Variants in ENAM observed in about 807,000 individuals in gnomAD.
The protein encoded by ENAM is enamelin.
Under a neutral mutation model 33.6 loss-of-function variants are expected in ENAM, and 21 were observed. That is an observed-to-expected ratio of 0.63 (90% CI 0.44 to 0.90). The LOEUF (loss-of-function observed/expected upper bound fraction) is 0.90. ENAM is among the 40% of genes least tolerant of loss of function. ENAM has a pLI of 0.00. For missense variants in ENAM, 1,388 were observed against 1,366.9 expected (o/e 1.02, Z -0.24); for synonymous variants, 473 against 468.4 (o/e 1.01, Z -0.13).
rs902756207 is a variant in ENAM, at chr4:70,644,959, C to T, written c.*104C>T. Reference sequence around the variant, plus strand: ...AAGACTTAATTAAGTGTCTGACTGTCTTGGTGATCCTTAAGTTTTCTCCCC... The same window carrying T: ...AAGACTTAATTAAGTGTCTGACTGTTTTGGTGATCCTTAAGTTTTCTCCCC... On this transcript the variant is annotated 3_prime_UTR_variant, in exon 9 of 9. Transcript: ENST00000396073. The T allele has an allele frequency of 1.1e-6, 1 of 935,882 alleles. No individual in the cohort carries two copies. Among genetic ancestry groups the T allele is most frequent in the African/African-American group, 1.6e-5 (1 of 61,644 alleles). The allele number at this position is 935,882 out of a possible 1,614,324, so 58.0% of individuals were successfully genotyped here.
At position 70,635,864 on chromosome 4, in the gene ENAM, C is replaced by T. The variant is rs1459527928; in HGVS notation, c.504C>T (p.Pro168=). 1.2e-6 allele frequency: 2 copies of T among 1,608,704 alleles called. No individual in the cohort carries two copies. Among genetic ancestry groups the T allele is most frequent in the South Asian group, 1.1e-5 (1 of 90,524 alleles). Residue 168 remains proline, a synonymous_variant, in exon 7 of 9, where the codon CCC becomes CCT. Transcript: ENST00000396073. The stretch of plus-strand genomic sequence containing the variant: ...CACCATTTGGAAATGGGCTATTCCC[C>T]TATCAACAACCACCATGGCAAATTC... ...AFPPFGNGLF[P]YQQPPWQIPQ...
chr4:70,638,818 A>G (rs1357723919), intron 8 of ENAM, among the ~76,000 whole-genome samples: 5 of 144,376 alleles, frequency 3.5e-5, no homozygotes, highest in African/African-American at 5.1e-5. Flanking sequence ...TGTAAGACAG[A>G]GTCTCGCTCT....
Position 70,645,239 on chromosome 4 carries a change from G to C in ENAM, c.*384G>C. 4.9e-5 allele frequency: 14 copies of C among 282,946 alleles called. No individual in the cohort carries two copies. Among genetic ancestry groups the C allele is most frequent in the South Asian group, 1.6e-4 (2 of 12,476 alleles). The allele number at this position is 282,946 out of a possible 1,614,324, so 17.5% of individuals were successfully genotyped here. On this transcript the variant is annotated 3_prime_UTR_variant, in exon 9 of 9. Coordinates refer to ENST00000396073, the MANE Select transcript of ENAM (RefSeq NM_031889.3). Reference sequence around the variant, plus strand: ...CAGATTAACTTTCCATTCTACTTATGGAGATCCACACATCAGTATAGTCCT... The same window carrying C: ...CAGATTAACTTTCCATTCTACTTATCGAGATCCACACATCAGTATAGTCCT...
At position 70,642,373 on chromosome 4, in the gene ENAM, T is replaced by C. The variant is rs763410475; in HGVS notation, c.947T>C (p.Ile316Thr). 8.1e-6 allele frequency: 13 copies of C among 1,614,168 alleles called. 1 individual carries two copies. In the South Asian group the frequency reaches 1.3e-4, roughly 16 times the overall value. Residue 316 changes from isoleucine (I) to threonine (T), a missense_variant, in exon 9 of 9, where the codon ATT becomes ACT. Coordinates refer to ENST00000396073, the MANE Select transcript of ENAM (RefSeq NM_031889.3). Reference sequence around the variant, plus strand: ...CCATGGAGACCAAGTCAGCCAAATATTCGTGAAAATCATCCATATCCTAAT... The same window carrying C: ...CCATGGAGACCAAGTCAGCCAAATACTCGTGAAAATCATCCATATCCTAAT... ...QIPWRPSQPN[I>T]RENHPYPNIR... is the part of the protein sequence containing the mutation.
chr4:70,630,926 G>C (rs1001858902), intron 2 of ENAM, among the ~76,000 whole-genome samples: 1 of 151,996 alleles, frequency 6.6e-6, no homozygotes, highest in African/African-American at 2.4e-5. Flanking sequence ...ATTTTTAGTA[G>C]AGACAAGGTT....
intron 6 of ENAM, among the ~76,000 whole-genome samples, 177 bp from the exon 7 acceptor site, chr4:70,635,655 T>C (rs1337528502): frequency 6.6e-6 from 1 of 152,250 alleles, no homozygotes; most frequent in Non-Finnish European, 1.5e-5. Context: ...GCCTGGAATG[T>C]GTGTCCAATG....
In ENAM at chr4:70,645,220, A is replaced by G. The variant is rs1456640905; in HGVS notation, c.*365A>G. ...GTTTTTCAAGACTGAAAGGCAGATT[A>G]ACTTTCCATTCTACTTATGGAGATC... is the stretch of plus-strand genomic sequence containing the variant. On this transcript the variant is annotated 3_prime_UTR_variant, in exon 9 of 9. Transcript: ENST00000396073. The G allele has an allele frequency of 3.2e-6, 1 of 312,586 alleles. No individual in the cohort carries two copies. Among genetic ancestry groups the G allele is most frequent in the Non-Finnish European group, 5.8e-6 (1 of 172,018 alleles). 19.4% of individuals were successfully genotyped at this position (312,586 alleles called of 1,614,324 possible).
intron 8 of ENAM, among the ~76,000 whole-genome samples, chr4:70,638,778 T>TTTAC (rs1738525826): frequency 6.6e-6 from 1 of 151,372 alleles, no homozygotes; most frequent in African/African-American, 2.4e-5. Context: ...CTTATCTTTC[T>TTTAC]TTTCTTTCTT....
At chr4:70,636,137 T>C (rs1436428311) in intron 7 of ENAM, among the ~76,000 whole-genome samples, 2 of 152,148 alleles carry the variant, frequency 1.3e-5, no homozygotes, top group Non-Finnish European at 2.9e-5. Context: ...AATTAGCTAA[T>C]AAATTAATTT....
rs200730482 is a variant in ENAM at position 70,641,396 on chromosome 4, TA to T, written c.589-618del. 1.9e-3 allele frequency among the ~76,000 whole-genome samples: 284 copies of T among 150,100 alleles called. 4 individuals carry two copies. Among genetic ancestry groups the T allele is most frequent in the African/African-American group, 6.1e-3 (251 of 41,014 alleles). On this transcript the variant is annotated intron_variant, in intron 8 of 8. Coordinates refer to ENST00000396073, the MANE Select transcript of ENAM (RefSeq NM_031889.3). ...TTTTTTTTTATTTTATTTATTTATT[TA>T]TTTTTTTTTTTGAGATGGAGTCTCG...
Position 70,634,337 on chromosome 4 carries a change from C to T in ENAM, c.240C>T (p.Asn80=), listed in dbSNP as rs779873942. ...HMAHLGPFFG[N]GLPQQFPQYQ... ...CACACCTGGGGCCCTTCTTTGGAAA[C>T]GGTCTCCCTCAGCAATTTCCACAGT... The change falls in exon 6 of 9, where the codon AAC becomes AAT. Residue 80 remains asparagine (N), a synonymous_variant. Coordinates refer to ENST00000396073, the MANE Select transcript of ENAM (RefSeq NM_031889.3). 5 of 1,613,876 alleles carry T rather than the reference C, an allele frequency of 3.1e-6. No individual in the cohort carries two copies. In the African/African-American group the frequency reaches 4.0e-5, roughly 13 times the overall value.
At position 70,642,939 on chromosome 4, in the gene ENAM, C is replaced by T. The variant is rs751771195; in HGVS notation, c.1513C>T (p.Pro505Ser). The change falls in exon 9 of 9, where the codon CCA (proline) becomes TCA (serine). Residue 505 changes from proline (P) to serine (S), a missense_variant. By Grantham distance (74) the Pro-to-Ser change is moderately conservative. Coordinates refer to ENST00000396073, the MANE Select transcript of ENAM (RefSeq NM_031889.3). ...YYPRGDSRKV[P>S]NSDGQTQSQN... ...CCCAAGAGGAGATTCCAGAAAAGTC[C>T]CAAATTCTGATGGACAAACCCAAAG... The T allele has an allele frequency of 2.5e-6, 4 of 1,613,978 alleles. No homozygotes were observed. The South Asian group carries it at 4.4e-5, about 18-fold the overall frequency.
intron 8 of ENAM, 135 bp from the exon 9 acceptor site, chr4:70,641,880 A>G (rs1738606161): frequency 1.3e-6 from 1 of 745,742 alleles, no homozygotes; most frequent in African/African-American, 1.7e-5. Context: ...ATCAAATTTC[A>G]AGAAAGAAAG....
chr4:70,637,563 A>G (rs1477509413), intron 7 of ENAM: 1 of 556,914 alleles, frequency 1.8e-6, no homozygotes, highest in Admixed American at 3.1e-5. Flanking sequence ...TTTAAGTAGG[A>G]TAATCTAGGA....
Position 70,643,662 on chromosome 4 carries a change from T to TC in ENAM, c.2236_2237insC (p.Tyr746SerfsTer4). 1.2e-6 allele frequency: 2 copies of TC among 1,614,150 alleles called. No individual in the cohort carries two copies. The highest frequency in any genetic ancestry group is 1.7e-6 in the Non-Finnish European group (2 of 1,180,002). The stretch of plus-strand genomic sequence containing the variant: ...GCCACCACCTATAGAGAGCAGGGGC[T>TC]ACTACGTTAATAATGCCGCTGGACC... On this transcript the variant is annotated frameshift_variant, in exon 9 of 9. Transcript: ENST00000396073. LOFTEE classifies it low-confidence loss of function (END_TRUNC).
rs1211086421 is a variant in ENAM, at chr4:70,645,122, G to A, written c.*267G>A. 1.8e-6 allele frequency: 1 copy of A among 558,662 alleles called. No homozygotes were observed. Among genetic ancestry groups the A allele is most frequent in the African/African-American group, 1.9e-5 (1 of 53,392 alleles). The allele number at this position is 558,662 out of a possible 1,614,324, so 34.6% of individuals were successfully genotyped here. On this transcript the variant is annotated 3_prime_UTR_variant, in exon 9 of 9. Coordinates refer to ENST00000396073, the MANE Select transcript of ENAM (RefSeq NM_031889.3). The stretch of plus-strand genomic sequence containing the variant: ...ACCATCCCTGCCTCGAAACTTGCAA[G>A]TCACTTGTCTGAGTTAGTTTCCTTT...
Position 70,643,667 on chromosome 4 carries a change from C to G in ENAM, c.2241C>G (p.Tyr747Ter), listed in dbSNP as rs36064169. Reference sequence around the variant, plus strand: ...CACCTATAGAGAGCAGGGGCTACTACGTTAATAATGCCGCTGGACCAGAAG... The same window carrying G: ...CACCTATAGAGAGCAGGGGCTACTAGGTTAATAATGCCGCTGGACCAGAAG... Reference protein sequence around the residue: ...MPPPIESRGYYVNNAAGPEES... With the variant: ...MPPPIESRGY The change falls in exon 9 of 9, where the codon TAC (tyrosine) becomes TAG (stop). Residue 747 changes from tyrosine (Y) to a stop codon, truncating the protein, a stop_gained. Transcript: ENST00000396073. LOFTEE classifies it low-confidence loss of function (END_TRUNC). 1 of 1,613,934 alleles carries G rather than the reference C, an allele frequency of 6.2e-7. No homozygotes were observed. The highest frequency in any genetic ancestry group is 8.5e-7 in the Non-Finnish European group (1 of 1,179,998).
In ENAM at chr4:70,644,932, C is replaced by G; in HGVS notation, c.*77C>G. On this transcript the variant is annotated 3_prime_UTR_variant, in exon 9 of 9. Coordinates refer to ENST00000396073, the MANE Select transcript of ENAM (RefSeq NM_031889.3). Reference sequence around the variant, plus strand: ...ACCAATGGTTCCCAAAATTTTTTCCCCAAGACTTAATTAAGTGTCTGACTG... The same window carrying G: ...ACCAATGGTTCCCAAAATTTTTTCCGCAAGACTTAATTAAGTGTCTGACTG... 7.9e-7 allele frequency: 1 copy of G among 1,258,258 alleles called. No homozygotes were observed. The highest frequency in any genetic ancestry group is 2.3e-5 in the East Asian group (1 of 42,766). 77.9% of individuals were successfully genotyped at this position (1,258,258 alleles called of 1,614,324 possible).
In ENAM at chr4:70,634,298, A is replaced by G; in HGVS notation, c.211-10A>G. 6.2e-7 allele frequency: 1 copy of G among 1,613,516 alleles called. No individual in the cohort carries two copies. Among genetic ancestry groups the G allele is most frequent in the Non-Finnish European group, 8.5e-7 (1 of 1,179,582 alleles). On this transcript the variant is annotated splice_polypyrimidine_tract_variant and intron_variant, in intron 5 of 8. Coordinates refer to ENST00000396073, the MANE Select transcript of ENAM (RefSeq NM_031889.3). Reference sequence around the variant, plus strand: ...TATTATGATTTCACTATTATTTGCTACCCTTTCAGATGGCACACCTGGGGC... The same window carrying G: ...TATTATGATTTCACTATTATTTGCTGCCCTTTCAGATGGCACACCTGGGGC...
Sources: gnomAD v4.1 joint callset for allele counts (sites outside exome capture counted in the v4.1 genomes callset) on GRCh38, gnomAD v4.1.1 for gene constraint, MANE v1.5 for transcripts, NCBI Gene and HGNC (gene_info 2026-07-23, HGNC 2026-07-21) for gene names.